GNE: variants seen among roughly 807,000 people sequenced by gnomAD.
The protein encoded by GNE is bifunctional UDP-N-acetylglucosamine 2-epimerase/N-acetylmannosamine kinase.
Under a neutral mutation model 61.8 loss-of-function variants are expected in GNE, and 41 were observed. The observed-to-expected ratio is 0.66, with a 90% confidence interval of 0.52 to 0.86. The LOEUF is 0.86. GNE is among the 40% of genes least tolerant of loss of function. GNE has a pLI of 0.00. For synonymous variants in GNE, 264 were observed against 326.4 expected (o/e 0.81, Z 2.06); for missense variants, 608 against 909.1 (o/e 0.67, Z 4.26).
At position 36,246,387 on chromosome 9, in the gene GNE, G is replaced by C; in HGVS notation, c.260C>G (p.Ser87Ter). ...CAGCTTCACTAGGGCCAGGCCTACT[G>C]ACTCCACCATGGCTGCCTCATCTTC... ...RGEDEAAMVE[S>*]VGLALVKLPD... The change falls in exon 3 of 12, where the codon TCA becomes TGA. Residue 87 changes from serine to a stop codon, truncating the protein, a stop_gained. Transcript: ENST00000642385. LOFTEE classifies it high-confidence loss of function. The C allele has an allele frequency of 1.2e-6, 2 of 1,613,796 alleles. No individual in the cohort carries two copies. Among genetic ancestry groups the C allele is most frequent in the Non-Finnish European group, 1.7e-6 (2 of 1,179,726 alleles).
chr9:36,272,620 C>CAAAA (rs58934783), intron 1 of GNE, among the ~76,000 whole-genome samples: 11 of 74,112 alleles, frequency 1.5e-4, no homozygotes, highest in East Asian at 4.2e-4. Flanking sequence ...GACTCCGCCT[C>CAAAA]AAAAAAAAAA....
chr9:36,265,290 G>A (rs1830737668), intron 1 of GNE: 2 of 426,864 alleles, frequency 4.7e-6, no homozygotes, highest in Admixed American at 2.5e-5. Flanking sequence ...CTTGGAATCC[G>A]TGGGGCCAAG....
intron 4 of GNE, among the ~76,000 whole-genome samples, chr9:36,234,608 C>A (rs1343120379): frequency 6.6e-6 from 1 of 152,154 alleles, no homozygotes; most frequent in East Asian, 1.9e-4. Flanking sequence ...CAAGAAAATA[C>A]ACATAGATTC....
rs1178711440 is a variant in GNE, at chr9:36,218,479, C to CTAAT, written c.1817-184_1817-181dup. ...CCCTAAAGCCTTTGCTACCCTCTTGCTAATTGGTTGTACATAACCCAGAAC... is the reference window on the plus strand; with the variant it reads ...CCCTAAAGCCTTTGCTACCCTCTTGCTAATTAATTGGTTGTACATAACCCAGAAC... On this transcript the variant is annotated intron_variant, in intron 10 of 11. Coordinates refer to ENST00000642385, the MANE Select transcript of GNE (RefSeq NM_005476.7). The surrounding 1 kb of genome is among the most constrained non-coding windows in gnomAD (Gnocchi z 4.1). 6.6e-6 allele frequency among the ~76,000 whole-genome samples: 1 copy of CTAAT among 152,234 alleles called. No homozygotes were observed. The highest frequency in any genetic ancestry group is 1.5e-5 in the Non-Finnish European group (1 of 68,038).
Position 36,216,194 on chromosome 9 carries a change from T to G in GNE, c.*1171A>C, listed in dbSNP as rs1198187026. ...ACAGGTATACATATGTCAAGGCTTA[T>G]CAAATTGTAGGCTTTAAAAACAATA... On this transcript the variant is annotated 3_prime_UTR_variant, in exon 12 of 12. Transcript: ENST00000642385. The G allele has an allele frequency of 2.3e-6, 1 of 437,168 alleles. No homozygotes were observed. The highest frequency in any genetic ancestry group is 4.7e-6 in the Non-Finnish European group (1 of 214,014). 27.1% of individuals were successfully genotyped at this position (437,168 alleles called of 1,614,324 possible). A position where few individuals can be genotyped will look rare whatever the true frequency, so the allele number is the denominator to read the frequency against.
At chr9:36,263,228 T>A (rs982396836), upstream of GNE, 1 of 158,766 alleles carries the variant, frequency 6.3e-6, no homozygotes, top group Non-Finnish European at 1.4e-5. Flanking sequence ...TGGAGTGCAA[T>A]GGCGTCATCT....
Position 36,216,178 on chromosome 9 carries a change from C to A in GNE, c.*1187G>T. On this transcript the variant is annotated 3_prime_UTR_variant, in exon 12 of 12. Coordinates refer to ENST00000642385, the MANE Select transcript of GNE (RefSeq NM_005476.7). ...TTGTGGTGATGCTTTCACAGGTATA[C>A]ATATGTCAAGGCTTATCAAATTGTA... is the stretch of plus-strand genomic sequence containing the variant. The A allele has an allele frequency of 2.4e-6, 1 of 416,882 alleles. No homozygotes were observed. Among genetic ancestry groups the A allele is most frequent in the Non-Finnish European group, 5.0e-6 (1 of 201,968 alleles). The allele number at this position is 416,882 out of a possible 1,614,324, so 25.8% of individuals were successfully genotyped here. A position where few individuals can be genotyped will look rare whatever the true frequency, so the allele number is the denominator to read the frequency against.
At chr9:36,263,745 T>A (rs1431631881) in intron 1 of GNE, among the ~76,000 whole-genome samples, 1 of 152,196 alleles carries the variant, frequency 6.6e-6, no homozygotes, top group African/African-American at 2.4e-5. Context: ...AATTTCAAAT[T>A]TTCATAAAGT....
rs935711151 is a variant in GNE at position 36,249,073 on chromosome 9, G to A, written c.164+119C>T. The A allele has an allele frequency of 1.9e-5, 15 of 784,062 alleles. 1 individual carries two copies. The Admixed American group carries it at 2.8e-4, about 15-fold the overall frequency. The allele number at this position is 784,062 out of a possible 1,614,324, so 48.6% of individuals were successfully genotyped here. On this transcript the variant is annotated intron_variant, in intron 2 of 11. Transcript: ENST00000642385. Reference sequence around the variant, plus strand: ...CAGAGATGCTAAGTGACTACTCTAAGGCCACATAAAAACTAAGCAGCAGAA... The same window carrying A: ...CAGAGATGCTAAGTGACTACTCTAAAGCCACATAAAAACTAAGCAGCAGAA...
intron 7 of GNE, 106 bp downstream of exon 7, chr9:36,227,142 A>G: frequency 1.3e-6 from 1 of 741,966 alleles, no homozygotes; most frequent in Non-Finnish European, 2.4e-6. Context: ...AAATGATTAC[A>G]AGCTCTTGTG....
At chr9:36,273,590 C>G (rs983313872) in intron 1 of GNE, among the ~76,000 whole-genome samples, 3 of 151,934 alleles carry the variant, frequency 2.0e-5, no homozygotes, top group Non-Finnish European at 4.4e-5. Context: ...ACATTTCTTA[C>G]CCTACCTGTT....
At position 36,218,397 on chromosome 9, in the gene GNE, G is replaced by C. The variant is rs902001335; in HGVS notation, c.1817-98C>G. 2.0e-5 allele frequency: 17 copies of C among 838,806 alleles called. No individual in the cohort carries two copies. Among genetic ancestry groups the C allele is most frequent in the Non-Finnish European group, 3.1e-5 (15 of 487,822 alleles). 52.0% of individuals were successfully genotyped at this position (838,806 alleles called of 1,614,324 possible). A position where few individuals can be genotyped will look rare whatever the true frequency, so the allele number is the denominator to read the frequency against. ...AAAGCAAGCCCCTACATGGGAAGAC[G>C]GTGTTTTCTTTTCACAATTGCAAAG... On this transcript the variant is annotated intron_variant, in intron 10 of 11. Coordinates refer to ENST00000642385, the MANE Select transcript of GNE (RefSeq NM_005476.7). The surrounding 1 kb of genome is among the most constrained non-coding windows in gnomAD (Gnocchi z 4.1).
chr9:36,264,634 G>A (rs1260687748), intron 1 of GNE, among the ~76,000 whole-genome samples: 2 of 152,094 alleles, frequency 1.3e-5, no homozygotes, highest in African/African-American at 2.4e-5. Flanking sequence ...TGAGAGACAG[G>A]ACTAGCTGGA....
chr9:36,257,614 T>C (rs1830415636), intron 1 of GNE, among the ~76,000 whole-genome samples: 2 of 150,262 alleles, frequency 1.3e-5, no homozygotes, highest in South Asian at 2.1e-4. Context: ...CCATCCTGGC[T>C]AACATGGTGA....
At chr9:36,220,155 C>T in intron 9 of GNE, 135 bp from the exon 10 acceptor site, 2 of 757,496 alleles carry the variant, frequency 2.6e-6, no homozygotes, top group Non-Finnish European at 2.3e-6. Flanking sequence ...CTGAAGCCCA[C>T]TAGGCATCAA....
At chr9:36,238,056 G>A (rs1162553680) in intron 3 of GNE, among the ~76,000 whole-genome samples, 1 of 150,090 alleles carries the variant, frequency 6.7e-6, no homozygotes, top group African/African-American at 2.5e-5. Flanking sequence ...ATATATAGAT[G>A]TAGATATATA....
intron 4 of GNE, among the ~76,000 whole-genome samples, chr9:36,236,340 A>G (rs1406779155): frequency 6.6e-6 from 1 of 152,120 alleles, no homozygotes; most frequent in Non-Finnish European, 1.5e-5. Context: ...AGCTGGGACT[A>G]CAGGTGCCCA....
chr9:36,258,824 G>A (rs1340006532), upstream of GNE, among the ~76,000 whole-genome samples: 1 of 152,194 alleles, frequency 6.6e-6, no homozygotes, highest in Admixed American at 6.5e-5. Context: ...TCATAAACCA[G>A]GACCGCAACT....
chr9:36,254,687 C>G (rs1355961775), intron 1 of GNE, among the ~76,000 whole-genome samples: 1 of 152,156 alleles, frequency 6.6e-6, no homozygotes, highest in Admixed American at 6.6e-5. Flanking sequence ...CGCAGTGGCT[C>G]ACGCCTGTAA....
Sources: allele counts gnomAD v4.1 joint callset (sites outside exome capture counted in the v4.1 genomes callset), GRCh38; gene constraint gnomAD v4.1.1; non-coding constraint Gnocchi (gnomAD v3.1); transcripts MANE v1.5; gene names NCBI Gene and HGNC (gene_info 2026-07-23, HGNC 2026-07-21).